Variants in ZNF143 observed in about 807,000 individuals in gnomAD.
ZNF143 encodes zinc finger protein 143, also known as SPH-binding factor.
In ZNF143, 49 loss-of-function variants were observed where a neutral mutation model predicts 74.1. The observed-to-expected ratio is 0.66, with a 90% confidence interval of 0.53 to 0.84. The LOEUF (loss-of-function observed/expected upper bound fraction) is 0.84, where lower values mean the gene tolerates loss of function less well. ZNF143 is among the 40% of genes least tolerant of loss of function. The pLI, the probability that ZNF143 is intolerant of heterozygous loss-of-function variation, is 0.00. For synonymous variants in ZNF143, 304 were observed against 282.8 expected (o/e 1.07, Z -0.75); for missense variants, 637 against 793.4 (o/e 0.80, Z 2.37).
At chr11:9,477,767 A>G (rs369466182) in intron 5 of ZNF143, among the ~76,000 whole-genome samples, 1 of 152,172 alleles carries the variant, frequency 6.6e-6, no homozygotes, top group African/African-American at 2.4e-5. Flanking sequence ...TCAAATCCTG[A>G]TTTCTCTACA....
intron 15 of ZNF143, among the ~76,000 whole-genome samples, chr11:9,525,759 C>T (rs1589959656): frequency 6.6e-6 from 1 of 152,160 alleles, no homozygotes; most frequent in Admixed American, 6.5e-5. Context: ...TAAATAAGTC[C>T]TCTGAGAATC....
Position 9,525,187 on chromosome 11 carries a change from T to G in ZNF143, c.1687-53T>G, listed in dbSNP as rs1192815884. On this transcript the variant is annotated intron_variant, in intron 14 of 15. Coordinates refer to ENST00000396602, the MANE Select transcript of ZNF143 (RefSeq NM_003442.6). Reference sequence around the variant, plus strand: ...TTGTATTAAGTGGACTTTAACCTATTTAAATCGCAGGTTTAATTCTTTATG... The same window carrying G: ...TTGTATTAAGTGGACTTTAACCTATGTAAATCGCAGGTTTAATTCTTTATG... The G allele has an allele frequency of 6.2e-6, 10 of 1,606,050 alleles. No homozygotes were observed. The African/African-American group carries it at 1.3e-4, about 21-fold the overall frequency.
intron 1 of ZNF143, among the ~76,000 whole-genome samples, chr11:9,468,011 C>A (rs1856350929): frequency 6.6e-6 from 1 of 152,090 alleles, no homozygotes; most frequent in Non-Finnish European, 1.5e-5. Context: ...TACAGTCTGG[C>A]ATTGTAATTT....
chr11:9,474,048 G>A (rs749683813), intron 4 of ZNF143, 24 bp downstream of exon 4: 5 of 1,560,058 alleles, frequency 3.2e-6, no homozygotes, highest in Non-Finnish European at 2.7e-6. Flanking sequence ...ATAACAGCAC[G>A]GGAAACCATT....
chr11:9,476,399 A>T (rs959521482), intron 5 of ZNF143, among the ~76,000 whole-genome samples: 3 of 152,134 alleles, frequency 2.0e-5, no homozygotes, highest in South Asian at 2.1e-4. Flanking sequence ...ATTTTGAGAC[A>T]GTCTCGCTCT....
Position 9,510,874 on chromosome 11 carries a change from TAAA to T in ZNF143, c.1376-1573_1376-1571del, listed in dbSNP as rs1848516700. 3.3e-5 allele frequency among the ~76,000 whole-genome samples: 5 copies of T among 152,194 alleles called. 1 individual carries two copies. The South Asian group carries it at 8.3e-4, about 25-fold the overall frequency. On this transcript the variant is annotated intron_variant, in intron 12 of 15. Transcript: ENST00000396602. ...GTTTACTTACTGGTTCTTTATGAAATAAAGAAGTGATGGAGGTTCCTTTTATGT... is the reference window on the plus strand; with the variant it reads ...GTTTACTTACTGGTTCTTTATGAAATGAAGTGATGGAGGTTCCTTTTATGT...
intron 1 of ZNF143, among the ~76,000 whole-genome samples, chr11:9,462,979 C>T (rs535359840): frequency 6.6e-6 from 1 of 152,306 alleles, no homozygotes; most frequent in East Asian, 1.9e-4. Context: ...TTAGCAATTA[C>T]TCCCCATTTC....
At chr11:9,479,354 C>T in intron 6 of ZNF143, 118 bp from the exon 7 acceptor site, 1 of 622,228 alleles carries the variant, frequency 1.6e-6, no homozygotes, top group Non-Finnish European at 2.6e-6. Flanking sequence ...AATGAAGCCC[C>T]ATGTACTTTT....
intron 13 of ZNF143, among the ~76,000 whole-genome samples, chr11:9,513,172 G>T (rs999206690): frequency 1.3e-5 from 2 of 152,168 alleles, no homozygotes; most frequent in African/African-American, 4.8e-5. Flanking sequence ...TTAAGCTCTA[G>T]CAAAGACTGT....
At chr11:9,524,356 T>G (rs2134273669) in intron 14 of ZNF143, among the ~76,000 whole-genome samples, 1 of 152,278 alleles carries the variant, frequency 6.6e-6, no homozygotes, top group South Asian at 2.1e-4. Flanking sequence ...TTGTCAAGGG[T>G]TTATAATTGT....
chr11:9,471,259 A>T, intron 1 of ZNF143, 43 bp from the exon 2 acceptor site: 1 of 1,461,106 alleles, frequency 6.8e-7, no homozygotes, highest in South Asian at 1.2e-5. Flanking sequence ...TTCATTTCAC[A>T]TGTATCATTC....
intron 11 of ZNF143, among the ~76,000 whole-genome samples, chr11:9,506,910 C>A (rs1477758587): frequency 6.6e-6 from 1 of 152,092 alleles, no homozygotes; most frequent in African/African-American, 2.4e-5. Flanking sequence ...AATCCATTCG[C>A]CTCTTGGCTG....
At chr11:9,498,764 G>A (rs1011394333) in intron 10 of ZNF143, among the ~76,000 whole-genome samples, 5 of 152,300 alleles carry the variant, frequency 3.3e-5, no homozygotes, top group Admixed American at 2.6e-4. Flanking sequence ...TGGGATTTTA[G>A]TATAGATGTT....
At chr11:9,461,572 G>C (rs1187851819) in intron 1 of ZNF143, 1 of 152,068 alleles carries the variant, frequency 6.6e-6, no homozygotes, top group Non-Finnish European at 1.5e-5. Context: ...AGGACCTGCC[G>C]GTCTCACCTA....
At chr11:9,491,529 C>G (rs1847776670) in intron 7 of ZNF143, among the ~76,000 whole-genome samples, 3 of 151,930 alleles carry the variant, frequency 2.0e-5, no homozygotes, top group Non-Finnish European at 2.9e-5. Context: ...GTCCCAGCTA[C>G]TCAGGAGGCT....
At chr11:9,475,143 G>T (rs1226166751) in intron 5 of ZNF143, among the ~76,000 whole-genome samples, 1 of 151,882 alleles carries the variant, frequency 6.6e-6, no homozygotes. Context: ...AAAGTGCTGG[G>T]ATTATAGGCG....
intron 11 of ZNF143, among the ~76,000 whole-genome samples, chr11:9,507,515 G>T (rs1848405650): frequency 6.6e-6 from 1 of 152,112 alleles, no homozygotes; most frequent in Non-Finnish European, 1.5e-5. Flanking sequence ...ATATTTGTTT[G>T]CAATTCTTCC....
intron 12 of ZNF143, among the ~76,000 whole-genome samples, chr11:9,511,102 CTT>C (rs777285359): frequency 2.4e-4 from 17 of 70,790 alleles, no homozygotes; most frequent in Admixed American, 7.3e-4. Context: ...TTAACAGCTT[CTT>C]TTTTTTTTTT....
intron 1 of ZNF143, chr11:9,462,033 A>G (rs1855892225): frequency 2.0e-5 from 3 of 152,240 alleles, no homozygotes; most frequent in Non-Finnish European, 1.5e-5. Flanking sequence ...TGTAGTTGAC[A>G]AAAAACGGTG....
Sources: gnomAD v4.1 joint callset for allele counts (sites outside exome capture counted in the v4.1 genomes callset) on GRCh38, gnomAD v4.1.1 for gene constraint, MANE v1.5 for transcripts, NCBI Gene and HGNC (gene_info 2026-07-23, HGNC 2026-07-21) for gene names.